NRXN3: variants seen among roughly 807,000 people sequenced by gnomAD.
NRXN3 encodes the protein neurexin III.
In NRXN3, 32 loss-of-function variants were observed where a neutral mutation model predicts 137.6. The observed-to-expected ratio is 0.23, with a 90% CI of 0.18 to 0.31. The LOEUF is 0.31. Ranked by LOEUF, NRXN3 falls within the 10% of genes least tolerant of loss-of-function variation. The pLI, the probability that NRXN3 is intolerant of heterozygous loss-of-function variation, is 1.00. For synonymous variants in NRXN3, 798 were observed against 784.5 expected (o/e 1.02, Z -0.29); for missense variants, 1,574 against 2,062.5 (o/e 0.76, Z 4.59).
chr14:78,301,079 A>G (rs964722354), intron 4 of NRXN3, among the ~76,000 whole-genome samples: 1 of 152,014 alleles, frequency 6.6e-6, no homozygotes, highest in Middle Eastern at 3.4e-3. Context: ...TGGGGATAAC[A>G]TTGGTGGGGG....
At chr14:79,521,993 A>G (rs1314415067) in intron 16 of NRXN3, among the ~76,000 whole-genome samples, 2 of 152,164 alleles carry the variant, frequency 1.3e-5, no homozygotes, top group Non-Finnish European at 2.9e-5. Context: ...ATGTTTCTAT[A>G]AACTTATTAA....
At chr14:78,816,084 T>C (rs905279490) in intron 10 of NRXN3, among the ~76,000 whole-genome samples, 1 of 152,216 alleles carries the variant, frequency 6.6e-6, no homozygotes, top group African/African-American at 2.4e-5. Context: ...ACACTTCAAG[T>C]GTAACAATAT....
chr14:79,725,422 C>T (rs2098879069), intron 19 of NRXN3, among the ~76,000 whole-genome samples: 1 of 152,168 alleles, frequency 6.6e-6, no homozygotes, highest in South Asian at 2.1e-4. Flanking sequence ...TGGTTTCCCC[C>T]TTTCTCTCAG....
chr14:78,477,909 C>T (rs1049829344), intron 4 of NRXN3, among the ~76,000 whole-genome samples: 7 of 152,082 alleles, frequency 4.6e-5, no homozygotes, highest in Non-Finnish European at 8.8e-5. Context: ...CACACACACA[C>T]GCACACACAT....
chr14:78,884,271 T>C (rs1256041984), intron 10 of NRXN3, among the ~76,000 whole-genome samples: 2 of 152,206 alleles, frequency 1.3e-5, no homozygotes, highest in African/African-American at 2.4e-5. Context: ...TATTTTTGCT[T>C]ATTTTTTAAA....
chr14:79,483,170 G>A (rs1374379231), intron 16 of NRXN3, among the ~76,000 whole-genome samples: 1 of 152,130 alleles, frequency 6.6e-6, no homozygotes, highest in Non-Finnish European at 1.5e-5. Context: ...ATGATATTTT[G>A]TAATGGTTCT....
intron 15 of NRXN3, among the ~76,000 whole-genome samples, chr14:79,190,497 T>C (rs966410091): frequency 2.0e-5 from 3 of 152,224 alleles, no homozygotes; most frequent in Admixed American, 6.5e-5. Context: ...TAGTGGTTGC[T>C]ATTTTCTGGA....
intron 15 of NRXN3, among the ~76,000 whole-genome samples, chr14:79,205,357 A>G (rs1044992843): frequency 4.6e-5 from 7 of 152,168 alleles, no homozygotes; most frequent in African/African-American, 9.7e-5. Context: ...TTTTTGAGCT[A>G]AGAAGCCTTA....
chr14:78,835,647 A>G (rs1157261776), intron 10 of NRXN3, among the ~76,000 whole-genome samples: 1 of 152,124 alleles, frequency 6.6e-6, no homozygotes, highest in South Asian at 2.1e-4. Context: ...TTATATACAT[A>G]GGCTTTTTTT....
chr14:78,190,798 C>T (rs967564738), intron 1 of NRXN3, among the ~76,000 whole-genome samples: 4 of 151,988 alleles, frequency 2.6e-5, no homozygotes, highest in Non-Finnish European at 4.4e-5. Flanking sequence ...CTCAGCCTCC[C>T]GAGTAGCTGG....
chr14:78,354,553 C>A (rs1597684866), intron 4 of NRXN3, among the ~76,000 whole-genome samples: 1 of 152,302 alleles, frequency 6.6e-6, no homozygotes, highest in East Asian at 1.9e-4. Context: ...AAGACAGATA[C>A]AATCTCGAAT....
At chr14:79,382,328 A>T (rs1293435341) in intron 15 of NRXN3, among the ~76,000 whole-genome samples, 1 of 152,200 alleles carries the variant, frequency 6.6e-6, no homozygotes, top group Non-Finnish European at 1.5e-5. Context: ...CAAGAAAGCA[A>T]TGCGCAGGAC....
chr14:78,264,072 C>A (rs918970482), intron 2 of NRXN3, among the ~76,000 whole-genome samples: 3 of 152,050 alleles, frequency 2.0e-5, no homozygotes, highest in African/African-American at 7.2e-5. Flanking sequence ...ACGTCAGGAC[C>A]AAAATAGCCT....
At chr14:79,243,775 C>G (rs2074701809) in intron 15 of NRXN3, among the ~76,000 whole-genome samples, 1 of 151,956 alleles carries the variant, frequency 6.6e-6, no homozygotes, top group African/African-American at 2.4e-5. Flanking sequence ...AAAGGGATAG[C>G]AAAAACATGG....
At chr14:78,513,560 T>C (rs11159369) in intron 4 of NRXN3, among the ~76,000 whole-genome samples, 1 of 151,974 alleles carries the variant, frequency 6.6e-6, no homozygotes, top group African/African-American at 2.4e-5. Flanking sequence ...CACAGGAACA[T>C]GCAGTCTATT....
intron 15 of NRXN3, among the ~76,000 whole-genome samples, chr14:79,303,448 A>T (rs2085483880): frequency 2.0e-5 from 3 of 152,202 alleles, no homozygotes; most frequent in Admixed American, 2.0e-4. Context: ...GTCAAAGGGC[A>T]TGACTAGAGC....
At chr14:79,637,656 A>G (rs2098411109) in intron 16 of NRXN3, among the ~76,000 whole-genome samples, 1 of 151,828 alleles carries the variant, frequency 6.6e-6, no homozygotes, top group Admixed American at 6.6e-5. Flanking sequence ...CCCTGACCCC[A>G]GAGCTAAATT....
intron 15 of NRXN3, among the ~76,000 whole-genome samples, chr14:79,069,566 A>T (rs988604578): frequency 2.7e-5 from 4 of 148,040 alleles, no homozygotes; most frequent in South Asian, 2.1e-4. Flanking sequence ...AATTTTATAA[A>T]AAAAAAAAAA....
chr14:79,148,758 A>G (rs1168207271), intron 15 of NRXN3, among the ~76,000 whole-genome samples: 1 of 152,136 alleles, frequency 6.6e-6, no homozygotes, highest in Non-Finnish European at 1.5e-5. Flanking sequence ...AATTTAATAA[A>G]CATTCTCTGG....
Sources: gnomAD v4.1 joint callset for allele counts (sites outside exome capture counted in the v4.1 genomes callset) on GRCh38, gnomAD v4.1.1 for gene constraint, MANE v1.5 for transcripts, NCBI Gene and HGNC (gene_info 2026-07-23, HGNC 2026-07-21) for gene names.